Variants in ABCG5 observed in about 807,000 individuals in gnomAD.
ABCG5 encodes ATP-binding cassette sub-family G member 5.
Under a neutral mutation model 64.5 loss-of-function variants are expected in ABCG5, and 64 were observed. The ratio of observed to expected loss-of-function variants is 0.99; its 90% CI spans 0.81 to 1.22. The LOEUF is 1.22. ABCG5 is among the 50% of genes most tolerant of loss of function. The pLI is 0.00. For missense variants in ABCG5, 908 were observed against 829.5 expected, an observed-to-expected ratio of 1.09 and a Z score of -1.16; for synonymous variants, 385 against 326.3, an observed-to-expected ratio of 1.18 and a Z score of -1.94.
At chr2:43,829,687 GAA>G (rs1667847686) in intron 4 of ABCG5, among the ~76,000 whole-genome samples, 1 of 152,148 alleles carries the variant, frequency 6.6e-6, no homozygotes, top group Non-Finnish European at 1.5e-5. Flanking sequence ...GGGGAAAGCA[GAA>G]AGAGACAGAA....
At position 43,824,072 on chromosome 2, in the gene ABCG5, G is replaced by A. The variant is rs759461453; in HGVS notation, c.1165C>T (p.Arg389Cys). ...CCCATGATCAGATTCTGAAGGAGAC[G>A]CGTAATCACTGCCAGCTTATTTCTC... The part of the protein sequence containing the change: ...LVRNKLAVIT[R>C]LLQNLIMGLF... Residue 389 changes from arginine (R) to cysteine (C), a missense_variant, in exon 9 of 13, where the codon CGT (arginine) becomes TGT (cysteine). Coordinates refer to ENST00000405322, the MANE Select transcript of ABCG5 (RefSeq NM_022436.3). The A allele has an allele frequency of 8.7e-6, 14 of 1,614,164 alleles. No individual in the cohort carries two copies. Among genetic ancestry groups the A allele is most frequent in the Middle Eastern group, 1.6e-4 (1 of 6,062 alleles).
Position 43,831,776 on chromosome 2 carries a change from T to G in ABCG5, c.494A>C (p.Gln165Pro). Reference protein sequence around the residue: ...AIRRGNPGSFQKKVEAVMAEL... With the variant: ...AIRRGNPGSFPKKVEAVMAEL... ...GCGGGGGGCTGCACCCACCTTCTTC[T>G]GGAAGGAGCCGGGATTGCCGCGGCG... Residue 165 changes from glutamine to proline, a missense_variant, in exon 4 of 13, where the codon CAG becomes CCG. Coordinates refer to ENST00000405322, the MANE Select transcript of ABCG5 (RefSeq NM_022436.3). 6.3e-7 allele frequency: 1 copy of G among 1,581,148 alleles called. No individual in the cohort carries two copies. Among genetic ancestry groups the G allele is most frequent in the Non-Finnish European group, 8.6e-7 (1 of 1,165,532 alleles).
chr2:43,834,767 G>A (rs754339409), intron 2 of ABCG5, among the ~76,000 whole-genome samples: 3 of 152,200 alleles, frequency 2.0e-5, no homozygotes, highest in Non-Finnish European at 2.9e-5. Flanking sequence ...CAGAGTCTAC[G>A]CCCTCCTCAA....
chr2:43,830,884 C>A (rs1667911736), intron 4 of ABCG5, among the ~76,000 whole-genome samples: 1 of 152,228 alleles, frequency 6.6e-6, no homozygotes, highest in Non-Finnish European at 1.5e-5. Flanking sequence ...GTTGACAATT[C>A]AATCATTTCT....
Position 43,822,855 on chromosome 2 carries a change from G to C in ABCG5, c.1405C>G (p.Leu469Val). ...QKWQMMLAYA[L>V]HVLPFSVVAT... ...ACAACGCTGAAGGGGAGGACGTGCAGTGCATAGGCCAGCATCATCTGCCAC... is the reference window on the plus strand; with the variant it reads ...ACAACGCTGAAGGGGAGGACGTGCACTGCATAGGCCAGCATCATCTGCCAC... Residue 469 changes from leucine to valine, a missense_variant, in exon 10 of 13, where the codon CTG becomes GTG. Coordinates refer to ENST00000405322, the MANE Select transcript of ABCG5 (RefSeq NM_022436.3). 1.2e-6 allele frequency: 2 copies of C among 1,614,194 alleles called. No homozygotes were observed. The highest frequency in any genetic ancestry group is 1.7e-6 in the Non-Finnish European group (2 of 1,180,034).
intron 4 of ABCG5, chr2:43,828,362 G>A (rs1290236276): frequency 1.9e-6 from 1 of 523,896 alleles, no homozygotes; most frequent in South Asian, 2.0e-5. Context: ...GAGGCTGGGT[G>A]CAGTGGCTCA....
chr2:43,818,751 A>G (rs1229961574), intron 11 of ABCG5, among the ~76,000 whole-genome samples: 1 of 152,194 alleles, frequency 6.6e-6, no homozygotes, highest in Non-Finnish European at 1.5e-5. Context: ...ATCAAAGCCT[A>G]ATTCACTTTG....
intron 12 of ABCG5, among the ~76,000 whole-genome samples, chr2:43,813,764 C>T (rs896883820): frequency 1.8e-4 from 22 of 122,482 alleles, no homozygotes; most frequent in Admixed American, 6.4e-4. Context: ...GCCGCCCAGG[C>T]TGGAGTGCAG....
At chr2:43,835,522 G>A (rs1362693127) in intron 2 of ABCG5, among the ~76,000 whole-genome samples, 1 of 152,288 alleles carries the variant, frequency 6.6e-6, no homozygotes, top group East Asian at 1.9e-4. Flanking sequence ...GGTTAAAAAT[G>A]GAAATAAGAA....
intron 6 of ABCG5, among the ~76,000 whole-genome samples, chr2:43,825,458 G>A (rs1466532010): frequency 2.0e-5 from 3 of 152,146 alleles, no homozygotes; most frequent in African/African-American, 7.2e-5. Flanking sequence ...GATACTGGGC[G>A]GAGAAAGTGA....
chr2:43,834,276 T>C (rs976934187), intron 2 of ABCG5, among the ~76,000 whole-genome samples: 2 of 152,234 alleles, frequency 1.3e-5, no homozygotes, highest in African/African-American at 4.8e-5. Flanking sequence ...ATCTGAACTC[T>C]GGCAGAAGCT....
At chr2:43,813,419 T>C in intron 12 of ABCG5, 110 bp from the exon 13 acceptor site, 1 of 777,908 alleles carries the variant, frequency 1.3e-6, no homozygotes, top group Admixed American at 2.0e-5. Context: ...TACAGGACAC[T>C]TTAGCAAGCC....
At chr2:43,819,018 G>C (rs1667024138) in intron 11 of ABCG5, among the ~76,000 whole-genome samples, 1 of 152,190 alleles carries the variant, frequency 6.6e-6, no homozygotes, top group South Asian at 2.1e-4. Context: ...GCAAAGTCAA[G>C]TCTGAGCTTC....
intron 5 of ABCG5, among the ~76,000 whole-genome samples, 154 bp from the exon 6 acceptor site, chr2:43,826,675 C>G (rs1430457018): frequency 6.6e-6 from 1 of 152,206 alleles, no homozygotes; most frequent in Non-Finnish European, 1.5e-5. Flanking sequence ...TCAGCCTGAG[C>G]TCAGGAGAAA....
intron 11 of ABCG5, among the ~76,000 whole-genome samples, chr2:43,818,974 C>T (rs761250193): frequency 2.5e-4 from 38 of 152,126 alleles, no homozygotes; most frequent in Non-Finnish European, 4.1e-4. Context: ...CACGAAGTCA[C>T]GTGCGTCACA....
At chr2:43,811,124 T>C (rs1373028807), downstream of ABCG5, among the ~76,000 whole-genome samples, 1 of 152,210 alleles carries the variant, frequency 6.6e-6, no homozygotes, top group Non-Finnish European at 1.5e-5. Flanking sequence ...CCCATATCTT[T>C]AGTAAGTTGA....
chr2:43,829,437 C>T (rs1667834689), intron 4 of ABCG5, among the ~76,000 whole-genome samples: 1 of 152,190 alleles, frequency 6.6e-6, no homozygotes, highest in South Asian at 2.1e-4. Flanking sequence ...CCCTTTCTTC[C>T]AATTCTCTTC....
intron 11 of ABCG5, among the ~76,000 whole-genome samples, chr2:43,819,042 A>C (rs550284586): frequency 6.6e-6 from 1 of 152,194 alleles, no homozygotes; most frequent in Non-Finnish European, 1.5e-5. Flanking sequence ...TTCTTATCTG[A>C]AAATGGATTG....
chr2:43,811,225 C>G (rs1325726309), downstream of ABCG5, among the ~76,000 whole-genome samples: 2 of 152,114 alleles, frequency 1.3e-5, no homozygotes, highest in Admixed American at 1.3e-4. Flanking sequence ...ACTGATGTGA[C>G]ATATATAATC....
Sources: allele counts gnomAD v4.1 joint callset (sites outside exome capture counted in the v4.1 genomes callset), GRCh38; gene constraint gnomAD v4.1.1; transcripts MANE v1.5; gene names NCBI Gene and HGNC (gene_info 2026-07-23, HGNC 2026-07-21).